Variants in SAMD8 observed in about 807,000 individuals in gnomAD.
SAMD8 encodes the protein sphingomyelin synthase-related protein 1.
In SAMD8, 20 loss-of-function variants were observed where a neutral mutation model predicts 42.0. The ratio of observed to expected loss-of-function variants is 0.48; its 90% CI spans 0.34 to 0.69. The LOEUF is 0.69. Ranked by LOEUF, SAMD8 falls within the 30% of genes least tolerant of loss-of-function variation. The pLI is 0.01. For missense variants in SAMD8, 328 were observed against 511.6 expected (o/e 0.64, Z 3.46); for synonymous variants, 162 against 173.0 (o/e 0.94, Z 0.50).
Position 75,179,812 on chromosome 10 carries a change from G to A in SAMD8, c.*3120G>A, listed in dbSNP as rs983985076. The A allele has an allele frequency of 1.3e-5, 2 of 152,170 alleles. No individual in the cohort carries two copies. The highest frequency in any genetic ancestry group is 2.4e-5 in the African/African-American group (1 of 41,436). The allele number at this position is 152,170 out of a possible 1,614,324, so 9.4% of individuals were successfully genotyped here. On this transcript the variant is annotated 3_prime_UTR_variant, in exon 6 of 6. Coordinates refer to ENST00000542569, the MANE Select transcript of SAMD8 (RefSeq NM_001174156.2). ...TTATCTGTGAATGTGGCTAAGCAGA[G>A]AAGCTACATGGCTTTGGTCTACATA...
At chr10:75,131,284 A>G (rs537400011) in intron 1 of SAMD8, among the ~76,000 whole-genome samples, 31 of 152,366 alleles carry the variant, frequency 2.0e-4, no homozygotes, top group African/African-American at 7.0e-4. Flanking sequence ...TCTGGTTTGT[A>G]TAACATTGAG....
At chr10:75,126,282 A>G (rs1024475606) in intron 1 of SAMD8, among the ~76,000 whole-genome samples, 1 of 152,146 alleles carries the variant, frequency 6.6e-6, no homozygotes, top group Non-Finnish European at 1.5e-5. Context: ...ATTTTTAGCA[A>G]ATTAGATAAA....
intron 4 of SAMD8, 47 bp downstream of exon 4, chr10:75,168,705 G>A (rs1483312933): frequency 1.7e-6 from 2 of 1,201,240 alleles, no homozygotes; most frequent in Non-Finnish European, 2.5e-6. Context: ...TGGGTTGATG[G>A]CACACTATAT....
Position 75,102,421 on chromosome 10 carries a change from C to T in SAMD8, c.-16+2693C>T, listed in dbSNP as rs1008793010. ...TCGCGCCACTGCACTCCAGCCTGGG[C>T]GACAGGGCGAGACTCCGTCTCAAAA... On this transcript the variant is annotated intron_variant, in intron 1 of 3. Coordinates refer to the SAMD8 transcript ENST00000447533. Among the ~76,000 whole-genome samples, 10 of 151,468 alleles carry T rather than the reference C, an allele frequency of 6.6e-5. No homozygotes were observed. The East Asian group carries it at 7.8e-4, about 12-fold the overall frequency.
At chr10:75,126,685 G>A (rs1172123175) in intron 1 of SAMD8, among the ~76,000 whole-genome samples, 1 of 149,550 alleles carries the variant, frequency 6.7e-6, no homozygotes, top group African/African-American at 2.5e-5. Flanking sequence ...TTTTTTTGTA[G>A]GGATGAGGTC....
chr10:75,117,858 C>A (rs1050075403), intron 1 of SAMD8, among the ~76,000 whole-genome samples: 9 of 152,162 alleles, frequency 5.9e-5, no homozygotes, highest in Non-Finnish European at 1.0e-4. Context: ...GAACCCTTTA[C>A]CAAATTTATC....
intron 1 of SAMD8, chr10:75,101,994 T>C: frequency 7.4e-7 from 1 of 1,351,594 alleles, no homozygotes; most frequent in Non-Finnish European, 9.9e-7. Flanking sequence ...TTATAAAGCA[T>C]GCTGTCTACT....
upstream of SAMD8, chr10:75,108,281 C>G (rs990784092): frequency 2.6e-6 from 4 of 1,520,986 alleles, no homozygotes; most frequent in Non-Finnish European, 3.5e-6. Flanking sequence ...GCCTGGCCCC[C>G]TGCTGCAGAG....
chr10:75,147,153 A>G (rs1457468334), intron 1 of SAMD8, among the ~76,000 whole-genome samples: 2 of 152,184 alleles, frequency 1.3e-5, no homozygotes, highest in East Asian at 1.9e-4. Context: ...AAAAAAACAT[A>G]TAAAAGAAGA....
intron 1 of SAMD8, among the ~76,000 whole-genome samples, chr10:75,130,138 A>G (rs1849241595): frequency 6.6e-6 from 1 of 152,142 alleles, no homozygotes; most frequent in African/African-American, 2.4e-5. Context: ...TTTATGGTGA[A>G]TATCATAATG....
intron 3 of SAMD8, among the ~76,000 whole-genome samples, chr10:75,167,477 T>C (rs1416603269): frequency 6.6e-6 from 1 of 152,168 alleles, no homozygotes; most frequent in Non-Finnish European, 1.5e-5. Flanking sequence ...CTTCCTGCCT[T>C]GGTCTCCCAA....
chr10:75,134,637 C>T (rs542027518), intron 1 of SAMD8, among the ~76,000 whole-genome samples: 1 of 151,622 alleles, frequency 6.6e-6, no homozygotes, highest in East Asian at 1.9e-4. Flanking sequence ...TTTCCCCCCC[C>T]CAAAAAAAAG....
Position 75,180,462 on chromosome 10 carries a change from G to C in SAMD8, c.*3770G>C, listed in dbSNP as rs557111274. Reference sequence around the variant, plus strand: ...CCCATGCCTGTAGTCCCAGCTACTCGGGAGGCTGAGGCAGAAGAATCGCTT... The same window carrying C: ...CCCATGCCTGTAGTCCCAGCTACTCCGGAGGCTGAGGCAGAAGAATCGCTT... On this transcript the variant is annotated 3_prime_UTR_variant, in exon 6 of 6. Transcript: ENST00000542569. 1 of 152,350 alleles carries C rather than the reference G, an allele frequency of 6.6e-6. No homozygotes were observed. The highest frequency in any genetic ancestry group is 1.5e-5 in the Non-Finnish European group (1 of 68,194). The allele number at this position is 152,350 out of a possible 1,614,324, so 9.4% of individuals were successfully genotyped here.
At chr10:75,148,350 T>TTTTTTTTTTTTTTTTTG (rs1840196442) in intron 1 of SAMD8, among the ~76,000 whole-genome samples, 1 of 60,542 alleles carries the variant, frequency 1.7e-5, no homozygotes. Context: ...TACCAGCTTT[T>TTTTTTTTTTTTTTTTTG]TTTTTTTTTT....
chr10:75,150,373 C>T (rs1399322460), intron 1 of SAMD8, 141 bp from the exon 2 acceptor site: 1 of 1,379,548 alleles, frequency 7.2e-7, no homozygotes, highest in Non-Finnish European at 9.5e-7. Flanking sequence ...CCTCCCAACT[C>T]AGCCTCCCAA....
chr10:75,152,081 G>C (rs1444203298), intron 2 of SAMD8, among the ~76,000 whole-genome samples: 3 of 151,644 alleles, frequency 2.0e-5, no homozygotes, highest in Non-Finnish European at 4.4e-5. Context: ...ATGAAGAATA[G>C]GGTTCTGCTT....
chr10:75,160,363 AT>A (rs57933345), intron 2 of SAMD8, among the ~76,000 whole-genome samples: 29,763 of 142,850 alleles, frequency 0.21, 3,315 homozygotes, highest in African/African-American at 0.29. Flanking sequence ...CGCCAGGCTA[AT>A]TTTTTTTTTT....
chr10:75,107,645 C>T (rs1218119318), upstream of SAMD8, among the ~76,000 whole-genome samples: 2 of 152,016 alleles, frequency 1.3e-5, no homozygotes, highest in African/African-American at 2.4e-5. Flanking sequence ...GGCATGATCT[C>T]GGCTCACTGC....
chr10:75,175,613 A>G (rs1840975125), intron 4 of SAMD8, among the ~76,000 whole-genome samples: 1 of 152,000 alleles, frequency 6.6e-6, no homozygotes, highest in Non-Finnish European at 1.5e-5. Context: ...CAGTGGCGCG[A>G]TCTCGGCTCC....
Sources: allele counts gnomAD v4.1 joint callset (sites outside exome capture counted in the v4.1 genomes callset), GRCh38; gene constraint gnomAD v4.1.1; transcripts MANE v1.5; gene names NCBI Gene and HGNC (gene_info 2026-07-23, HGNC 2026-07-21).